SSH2: variants seen among roughly 807,000 people sequenced by gnomAD.
SSH2 encodes protein phosphatase Slingshot homolog 2.
In SSH2, 37 loss-of-function variants were observed where a neutral mutation model predicts 135.2. That is an observed-to-expected ratio of 0.27 (90% CI 0.21 to 0.36). SSH2 has a LOEUF of 0.36. Ranked by LOEUF, SSH2 falls within the 10% of genes least tolerant of loss-of-function variation. The pLI is 1.00. For missense variants in SSH2, 1,408 were observed against 1,765.3 expected (o/e 0.80, Z 3.63); for synonymous variants, 628 against 646.2 (o/e 0.97, Z 0.43).
chr17:29,819,277 G>A (rs1006840741), intron 2 of SSH2, among the ~76,000 whole-genome samples: 1 of 152,120 alleles, frequency 6.6e-6, no homozygotes, highest in African/African-American at 2.4e-5. Flanking sequence ...ATATCCTGGG[G>A]TCAGTAAACA....
At chr17:29,650,841 G>A in intron 12 of SSH2, 41 bp from the exon 13 acceptor site, 1 of 1,497,572 alleles carries the variant, frequency 6.7e-7, no homozygotes, top group Non-Finnish European at 9.0e-7. Context: ...CTACTACTCA[G>A]GCTAAATCCA....
At chr17:29,926,372 C>T (rs1424646357) in intron 1 of SSH2, among the ~76,000 whole-genome samples, 6 of 148,218 alleles carry the variant, frequency 4.0e-5, no homozygotes, top group Non-Finnish European at 7.4e-5. Flanking sequence ...AACCCCATCT[C>T]TACAAAAAAA....
intron 2 of SSH2, among the ~76,000 whole-genome samples, chr17:29,821,201 C>T (rs924532237): frequency 2.0e-5 from 3 of 152,156 alleles, no homozygotes; most frequent in African/African-American, 4.8e-5. Context: ...TCTTTCTTCT[C>T]GCCTTTATCT....
chr17:29,825,544 C>CTGT (rs1383083314), intron 2 of SSH2, among the ~76,000 whole-genome samples: 9 of 152,182 alleles, frequency 5.9e-5, no homozygotes, highest in African/African-American at 2.2e-4. Flanking sequence ...GCCCACAGAG[C>CTGT]TCACTGCTGT....
intron 11 of SSH2, among the ~76,000 whole-genome samples, chr17:29,657,574 G>T (rs376892687): frequency 1.7e-3 from 135 of 79,978 alleles, no homozygotes; most frequent in East Asian, 3.3e-3. Flanking sequence ...CGGCTACTTT[G>T]TTTTTTTTTT....
chr17:29,792,956 G>A (rs1426605469), intron 3 of SSH2, among the ~76,000 whole-genome samples: 1 of 152,154 alleles, frequency 6.6e-6, no homozygotes, highest in African/African-American at 2.4e-5. Flanking sequence ...TTACAGGCGT[G>A]AGCCACCGCG....
chr17:29,821,713 C>T lies in SSH2; in HGVS notation c.144+27136G>A, dbSNP rs143936750. On this transcript the variant is annotated intron_variant, in intron 2 of 15. Transcript: ENST00000540801. The stretch of plus-strand genomic sequence containing the variant: ...AGGCTGGAGTGCAGCGGCGCGATCT[C>T]GGCTCACTGCAACCTCTGCCCCCGG... 7.6e-3 allele frequency among the ~76,000 whole-genome samples: 1,141 copies of T among 150,928 alleles called. 11 individuals are homozygous for T. Among genetic ancestry groups the T allele is most frequent in the African/African-American group, 0.023 (923 of 40,986 alleles).
intron 3 of SSH2, among the ~76,000 whole-genome samples, chr17:29,752,556 T>C (rs963567698): frequency 6.9e-4 from 105 of 152,056 alleles, no homozygotes; most frequent in African/African-American, 2.4e-3. Context: ...TATTTAAAAA[T>C]GTAAACATGC....
intron 8 of SSH2, chr17:29,674,231 T>C: frequency 6.6e-6 from 3 of 451,570 alleles, no homozygotes; most frequent in South Asian, 3.1e-5. Context: ...TCCATTTTTA[T>C]TAGGAAAACA....
intron 3 of SSH2, chr17:29,777,678 A>G (rs1406551211): frequency 6.2e-6 from 1 of 160,198 alleles, no homozygotes; most frequent in African/African-American, 2.4e-5. Context: ...TGCAAACAGC[A>G]GCCTCCTTGG....
chr17:29,853,836 T>A (rs1318350829), intron 1 of SSH2, among the ~76,000 whole-genome samples: 1 of 151,684 alleles, frequency 6.6e-6, no homozygotes, highest in African/African-American at 2.4e-5. Context: ...TGTGGTAACA[T>A]GTGCCTGTAG....
At chr17:29,918,656 A>G (rs144823933) in intron 1 of SSH2, among the ~76,000 whole-genome samples, 5 of 152,066 alleles carry the variant, frequency 3.3e-5, no homozygotes, top group Admixed American at 3.3e-4. Context: ...GTTTCTTTTG[A>G]CTGGGCACTG....
intron 8 of SSH2, among the ~76,000 whole-genome samples, chr17:29,672,506 C>T (rs146424062): frequency 5.9e-4 from 90 of 152,232 alleles, no homozygotes; most frequent in South Asian, 2.1e-3. Context: ...GATTTGTTTC[C>T]CTCAGCACAG....
At chr17:29,740,253 C>A (rs557832571) in intron 3 of SSH2, among the ~76,000 whole-genome samples, 1 of 152,164 alleles carries the variant, frequency 6.6e-6, no homozygotes, top group African/African-American at 2.4e-5. Flanking sequence ...TGTTCCAGCA[C>A]CATGTCCAGA....
chr17:29,718,108 T>A (rs1476283661), intron 3 of SSH2, among the ~76,000 whole-genome samples: 1 of 152,176 alleles, frequency 6.6e-6, no homozygotes, highest in East Asian at 1.9e-4. Flanking sequence ...GCCTGTAAAA[T>A]CCAATGAACA....
intron 3 of SSH2, among the ~76,000 whole-genome samples, chr17:29,745,164 C>CT (rs201394327): frequency 1.6e-3 from 230 of 144,552 alleles, no homozygotes; most frequent in Middle Eastern, 7.3e-3. Context: ...TTTCGTTTTT[C>CT]TTTTTTTTTT....
At chr17:29,890,990 G>A (rs556861312) in intron 1 of SSH2, among the ~76,000 whole-genome samples, 17 of 152,060 alleles carry the variant, frequency 1.1e-4, no homozygotes, top group African/African-American at 3.9e-4. Flanking sequence ...TCTTGACCTC[G>A]TGATCTGCCT....
chr17:29,797,571 C>T (rs957598756), intron 2 of SSH2, among the ~76,000 whole-genome samples: 1 of 152,048 alleles, frequency 6.6e-6, no homozygotes, highest in South Asian at 2.1e-4. Context: ...TTGATGGATA[C>T]ATTTGGGATA....
intron 4 of SSH2, among the ~76,000 whole-genome samples, chr17:29,701,099 T>C (rs553679455): frequency 1.3e-5 from 2 of 152,034 alleles, no homozygotes; most frequent in African/African-American, 4.8e-5. Flanking sequence ...GCCTCCTGAA[T>C]AGCTGGGACC....
Sources: gnomAD v4.1 joint callset for allele counts (sites outside exome capture counted in the v4.1 genomes callset) on GRCh38, gnomAD v4.1.1 for gene constraint, MANE v1.5 for transcripts, NCBI Gene and HGNC (gene_info 2026-07-23, HGNC 2026-07-21) for gene names.